The following MYO18A variants were observed in gnomAD, a reference collection of about 807,000 sequenced individuals.
The protein encoded by MYO18A is unconventional myosin-XVIIIa.
MYO18A carries 78 observed loss-of-function variants against 235.8 expected under a neutral mutation model. That is an observed-to-expected ratio of 0.33 (90% CI 0.28 to 0.40). The LOEUF is 0.40. MYO18A is among the 10% of genes least tolerant of loss of function. The pLI, the probability that MYO18A is intolerant of heterozygous loss-of-function variation, is 1.00. For synonymous variants in MYO18A, 977 were observed against 1,077.8 expected (o/e 0.91, Z 1.83); for missense variants, 2,215 against 2,699.3 (o/e 0.82, Z 3.98).
intron 19 of MYO18A, chr17:29,107,411 G>A (rs2066816250): frequency 1.9e-6 from 1 of 530,416 alleles, no homozygotes; most frequent in Non-Finnish European, 3.4e-6. Flanking sequence ...CAGGGGGATA[G>A]GAAGGCCCAA....
intron 2 of MYO18A, among the ~76,000 whole-genome samples, chr17:29,133,512 AG>A (rs1354044404): frequency 1.3e-5 from 2 of 152,158 alleles, no homozygotes; most frequent in Non-Finnish European, 2.9e-5. Flanking sequence ...GGTGGTGGGA[AG>A]GGTGTGGAGG....
At chr17:29,088,289 C>T (rs542046932) in intron 37 of MYO18A, among the ~76,000 whole-genome samples, 22 of 151,776 alleles carry the variant, frequency 1.4e-4, no homozygotes, top group Non-Finnish European at 2.7e-4. Flanking sequence ...CTCCTGACCT[C>T]GTGATCCGCC....
In MYO18A at chr17:29,074,125, C is replaced by T. The variant is rs1476869098; in HGVS notation, c.*645G>A. The T allele has an allele frequency of 1.2e-6, 2 of 1,613,992 alleles. No homozygotes were observed. Among genetic ancestry groups the T allele is most frequent in the Admixed American group, 3.3e-5 (2 of 60,020 alleles). On this transcript the variant is annotated 3_prime_UTR_variant, in exon 42 of 42. Transcript: ENST00000527372. The surrounding 1 kb of genome is among the most constrained non-coding windows in gnomAD (Gnocchi z 4.4). ...GCACCTCATTCTTAAGAACCTGGACCCGGCTCTCCTCACCAGCGTCTCCAG... is the reference window on the plus strand; with the variant it reads ...GCACCTCATTCTTAAGAACCTGGACTCGGCTCTCCTCACCAGCGTCTCCAG...
intron 2 of MYO18A, among the ~76,000 whole-genome samples, chr17:29,163,747 C>T (rs1053773585): frequency 1.3e-5 from 2 of 152,236 alleles, no homozygotes; most frequent in African/African-American, 4.8e-5. Context: ...AGGCCCAGGG[C>T]CCCACAGAGG....
chr17:29,135,335 C>A (rs1248317296), intron 2 of MYO18A, among the ~76,000 whole-genome samples: 2 of 152,162 alleles, frequency 1.3e-5, no homozygotes, highest in Non-Finnish European at 2.9e-5. Flanking sequence ...ATCTCCTGAC[C>A]TCGTGATCCA....
At position 29,109,793 on chromosome 17, in the gene MYO18A, G is replaced by A; in HGVS notation, c.3331+65C>T. On this transcript the variant is annotated intron_variant, in intron 19 of 41. Coordinates refer to ENST00000527372, the MANE Select transcript of MYO18A (RefSeq NM_078471.4). This position sits in a 1 kb window ranked among gnomAD's most constrained non-coding sequence, Gnocchi z 4.1. ...TGCAGCCCACGGGTCGCAGGTGGGA[G>A]GTGGGGCCGGGCAGGGCCAGCTCTG... 6.5e-7 allele frequency: 1 copy of A among 1,527,244 alleles called. No individual in the cohort carries two copies. Among genetic ancestry groups the A allele is most frequent in the Non-Finnish European group, 8.8e-7 (1 of 1,131,628 alleles). 94.6% of individuals were successfully genotyped at this position (1,527,244 alleles called of 1,614,324 possible).
At chr17:29,132,402 G>T (rs986138164) in intron 2 of MYO18A, among the ~76,000 whole-genome samples, 20 of 152,164 alleles carry the variant, frequency 1.3e-4, no homozygotes, top group African/African-American at 4.8e-4. Context: ...CAGTCCTATG[G>T]ATTTAATTTC....
Position 29,118,077 on chromosome 17 carries a change from A to T in MYO18A, c.2006T>A (p.Ile669Asn), listed in dbSNP as rs972096108. ...GGCTCCCGCAGCCCCCAGGTGGTAGATGGCAGCCAGAATGAACCAGCAGGC... is the reference window on the plus strand; with the variant it reads ...GGCTCCCGCAGCCCCCAGGTGGTAGTTGGCAGCCAGAATGAACCAGCAGGC... ...QKACWFILAA[I>N]YHLGAAGATK... Residue 669 changes from isoleucine to asparagine, a missense_variant, in exon 10 of 42, where the codon ATC (isoleucine) becomes AAC (asparagine). Physicochemically the swap from Ile to Asn is moderately radical, Grantham distance 149 (BLOSUM62 -3). Transcript: ENST00000527372. The surrounding 1 kb of genome is among the most constrained non-coding windows in gnomAD (Gnocchi z 4.2). 6.3e-7 allele frequency: 1 copy of T among 1,590,620 alleles called. No individual in the cohort carries two copies. Among genetic ancestry groups the T allele is most frequent in the Non-Finnish European group, 8.6e-7 (1 of 1,168,510 alleles).
At chr17:29,084,377 G>A (rs1262497161) in intron 40 of MYO18A, among the ~76,000 whole-genome samples, 1 of 152,194 alleles carries the variant, frequency 6.6e-6, no homozygotes, top group African/African-American at 2.4e-5. Context: ...CAGAACAGTG[G>A]ATGGGTTGCA....
At chr17:29,103,810 T>C in intron 20 of MYO18A, 146 bp from the exon 21 acceptor site, 1 of 693,696 alleles carries the variant, frequency 1.4e-6, no homozygotes, top group Non-Finnish European at 2.5e-6. Flanking sequence ...TGTCAGGCAC[T>C]GGGTTGGACT....
At chr17:29,079,357 A>G (rs1339122386) in intron 41 of MYO18A, among the ~76,000 whole-genome samples, 2 of 152,210 alleles carry the variant, frequency 1.3e-5, no homozygotes, top group African/African-American at 4.8e-5. Flanking sequence ...ATGGCAAGTG[A>G]CTTAACCTCT....
rs1486877883 is a variant in MYO18A, at chr17:29,096,670, T to G, written c.4385+91A>C. 4.3e-6 allele frequency: 6 copies of G among 1,409,340 alleles called. No individual in the cohort carries two copies. In the East Asian group the frequency reaches 1.3e-4, roughly 31 times the overall value. The allele number at this position is 1,409,340 out of a possible 1,614,324, so 87.3% of individuals were successfully genotyped here. ...AAGGCCCCTGGACAAATTCAGGTCC[T>G]TCCTTCTTTCCTCCCTGGAGGGCGA... On this transcript the variant is annotated intron_variant, in intron 28 of 41. Coordinates refer to ENST00000527372, the MANE Select transcript of MYO18A (RefSeq NM_078471.4).
At chr17:29,082,176 C>A in intron 41 of MYO18A, 140 bp downstream of exon 41, 1 of 1,125,664 alleles carries the variant, frequency 8.9e-7, no homozygotes, top group Non-Finnish European at 1.3e-6. Flanking sequence ...TGCCCATGCA[C>A]ATGCCAGAAG....
intron 2 of MYO18A, among the ~76,000 whole-genome samples, chr17:29,144,219 G>A (rs1425260186): frequency 1.3e-5 from 2 of 152,134 alleles, no homozygotes; most frequent in East Asian, 3.8e-4. Flanking sequence ...GCCACCCCAA[G>A]CCCCTCAGCT....
intron 25 of MYO18A, 65 bp downstream of exon 25, chr17:29,098,040 G>T: frequency 6.3e-7 from 1 of 1,594,204 alleles, no homozygotes; most frequent in Non-Finnish European, 8.5e-7. Context: ...TCTTTGGGGG[G>T]AGCCAATGGG....
chr17:29,098,508 C>A, intron 23 of MYO18A, 63 bp from the exon 24 acceptor site: 1 of 1,574,098 alleles, frequency 6.4e-7, no homozygotes, highest in South Asian at 1.1e-5. Context: ...GGCCCTGGGT[C>A]TGCACCCCTG....
At chr17:29,176,335 T>G (rs534910311) in intron 1 of MYO18A, among the ~76,000 whole-genome samples, 5 of 152,012 alleles carry the variant, frequency 3.3e-5, no homozygotes, top group African/African-American at 4.8e-5. Context: ...ACTGGTGTCT[T>G]GTGGCTGTAA....
At chr17:29,164,217 C>T (rs1402890064) in intron 2 of MYO18A, among the ~76,000 whole-genome samples, 2 of 152,180 alleles carry the variant, frequency 1.3e-5, no homozygotes, top group Non-Finnish European at 2.9e-5. Context: ...CATAAAGACC[C>T]CTCCTTGTTC....
intron 27 of MYO18A, 69 bp downstream of exon 27, chr17:29,097,154 G>A: frequency 6.3e-7 from 1 of 1,583,162 alleles, no homozygotes; most frequent in Admixed American, 1.7e-5. Context: ...GAGTTCACTG[G>A]ACCGACACAA....
Sources: gnomAD v4.1 joint callset for allele counts (sites outside exome capture counted in the v4.1 genomes callset) on GRCh38, gnomAD v4.1.1 for gene constraint, Gnocchi (gnomAD v3.1) non-coding constraint, MANE v1.5 for transcripts, NCBI Gene and HGNC (gene_info 2026-07-23, HGNC 2026-07-21) for gene names.